Variants in EVL observed in about 807,000 individuals in gnomAD.
The protein encoded by EVL is ena/VASP-like protein.
In EVL, 21 loss-of-function variants were observed where a neutral mutation model predicts 59.6. The observed-to-expected ratio is 0.35, with a 90% confidence interval of 0.25 to 0.51. The LOEUF (loss-of-function observed/expected upper bound fraction) is 0.51. Among genes scored for constraint, EVL ranks in the 20% least tolerant of loss-of-function variants. EVL has a pLI of 0.97. For synonymous variants in EVL, 198 were observed against 203.5 expected, an observed-to-expected ratio of 0.97 and a Z score of 0.23; for missense variants, 462 against 546.6, an observed-to-expected ratio of 0.85 and a Z score of 1.54.
At chr14:100,122,946 G>A (rs1887793399) in intron 3 of EVL, among the ~76,000 whole-genome samples, 1 of 152,170 alleles carries the variant, frequency 6.6e-6, no homozygotes, top group Admixed American at 6.5e-5. Context: ...GCAGGGTCTG[G>A]CTCCTTCCCA....
At chr14:100,136,598 G>A (rs1386848175) in intron 9 of EVL, among the ~76,000 whole-genome samples, 1 of 152,130 alleles carries the variant, frequency 6.6e-6, no homozygotes, top group Non-Finnish European at 1.5e-5. Context: ...AGGAGAGACA[G>A]GGGCATCAGG....
In EVL at chr14:100,109,983, G is replaced by T. The variant is rs1886854905; in HGVS notation, c.358+12325G>T. On this transcript the variant is annotated intron_variant, in intron 3 of 13. Coordinates refer to ENST00000392920, the MANE Select transcript of EVL (RefSeq NM_016337.3). The surrounding 1 kb of genome is among the most constrained non-coding windows in gnomAD (Gnocchi z 4.3). Reference sequence around the variant, plus strand: ...ATCAGACTCACCTCACAGGGTTGTTGTGAGGGTACCATGAGATGATGTTTG... The same window carrying T: ...ATCAGACTCACCTCACAGGGTTGTTTTGAGGGTACCATGAGATGATGTTTG... Among the ~76,000 whole-genome samples, 1 of 152,242 alleles carries T rather than the reference G, an allele frequency of 6.6e-6. No individual in the cohort carries two copies. Among genetic ancestry groups the T allele is most frequent in the East Asian group, 1.9e-4 (1 of 5,200 alleles).
At chr14:100,095,736 G>A (rs182124562) in intron 2 of EVL, among the ~76,000 whole-genome samples, 2 of 152,162 alleles carry the variant, frequency 1.3e-5, no homozygotes, top group Non-Finnish European at 2.9e-5. Context: ...TGTTGTTGTT[G>A]TTGTTGTTTG....
chr14:100,061,839 A>G (rs2061840149), upstream of EVL, among the ~76,000 whole-genome samples: 1 of 152,170 alleles, frequency 6.6e-6, no homozygotes, highest in Non-Finnish European at 1.5e-5. Flanking sequence ...TAGTTTCACT[A>G]GTCATTAATT....
At chr14:100,101,901 C>G (rs1886246155) in intron 3 of EVL, among the ~76,000 whole-genome samples, 2 of 152,290 alleles carry the variant, frequency 1.3e-5, no homozygotes, top group South Asian at 4.1e-4. Context: ...TGCAGTGGCA[C>G]TATCTCGGCT....
At chr14:99,993,150 C>G (rs2060886819) in intron 1 of EVL, among the ~76,000 whole-genome samples, 1 of 151,248 alleles carries the variant, frequency 6.6e-6, no homozygotes, top group Non-Finnish European at 1.5e-5. Flanking sequence ...CTCTGCCTGC[C>G]AGGTTCAAGT....
intron 3 of EVL, among the ~76,000 whole-genome samples, chr14:100,119,936 G>A (rs1887590376): frequency 6.6e-6 from 1 of 152,182 alleles, no homozygotes; most frequent in African/African-American, 2.4e-5. Context: ...TACATTCACT[G>A]TACAAAGGAG....
intron 1 of EVL, among the ~76,000 whole-genome samples, chr14:99,987,905 ATT>A (rs774580760): frequency 0.045 from 4,681 of 103,406 alleles, 68 homozygotes; most frequent in East Asian, 0.12. Flanking sequence ...AGACAACCCA[ATT>A]TTTTTTTTTT....
intron 1 of EVL, among the ~76,000 whole-genome samples, chr14:100,029,178 G>A (rs1055016733): frequency 6.6e-6 from 1 of 152,194 alleles, no homozygotes; most frequent in African/African-American, 2.4e-5. Flanking sequence ...AGTTGCTTAT[G>A]CTAATAACAA....
chr14:100,088,548 C>T (rs2062496247), intron 2 of EVL, among the ~76,000 whole-genome samples: 1 of 152,186 alleles, frequency 6.6e-6, no homozygotes, highest in South Asian at 2.1e-4. Flanking sequence ...GTTACTGTAC[C>T]GAATACTGCA....
rs1339804621 is a variant in EVL, at chr14:100,135,918, C to A, written c.914C>A (p.Thr305Asn). Reference sequence around the variant, plus strand: ...TCTCCATTTTAGGAAGATCCTAGTACCTCCCCCTCTCCGGGGACCCGAGCA... The same window carrying A: ...TCTCCATTTTAGGAAGATCCTAGTAACTCCCCCTCTCCGGGGACCCGAGCA... ...EDESQMEDPSTSPSPGTRAAS... is the reference protein window; with the variant it reads ...EDESQMEDPSNSPSPGTRAAS... Residue 305 changes from threonine to asparagine, a missense_variant, in exon 9 of 14, where the codon ACC (threonine) becomes AAC (asparagine). By Grantham distance (65) the Thr-to-Asn change is moderately conservative. Coordinates refer to ENST00000392920, the MANE Select transcript of EVL (RefSeq NM_016337.3). 1 of 1,613,996 alleles carries A rather than the reference C, an allele frequency of 6.2e-7. No individual in the cohort carries two copies. Among genetic ancestry groups the A allele is most frequent in the Non-Finnish European group, 8.5e-7 (1 of 1,180,016 alleles).
intron 3 of EVL, among the ~76,000 whole-genome samples, chr14:100,112,684 C>T (rs922865399): frequency 1.3e-5 from 2 of 152,232 alleles, no homozygotes; most frequent in African/African-American, 4.8e-5. Flanking sequence ...CTCAGGGCTC[C>T]TTCCCTCACT....
chr14:100,037,240 G>A (rs577262257), intron 1 of EVL, among the ~76,000 whole-genome samples: 2 of 152,324 alleles, frequency 1.3e-5, no homozygotes, highest in African/African-American at 2.4e-5. Flanking sequence ...TGAAGAGCCT[G>A]GAATAAAAGG....
At chr14:100,131,948 A>G (rs1888462447) in intron 7 of EVL, among the ~76,000 whole-genome samples, 1 of 152,172 alleles carries the variant, frequency 6.6e-6, no homozygotes, top group Non-Finnish European at 1.5e-5. Context: ...CAGACAGGTG[A>G]CAGCCTGGCC....
intron 8 of EVL, among the ~76,000 whole-genome samples, chr14:100,133,556 G>A (rs1888576706): frequency 6.6e-6 from 1 of 152,134 alleles, no homozygotes; most frequent in Non-Finnish European, 1.5e-5. Flanking sequence ...ACGCCTCTCA[G>A]CCCCGTCCTG....
chr14:100,087,077 T>A (rs1200413935), intron 2 of EVL, among the ~76,000 whole-genome samples: 2 of 152,214 alleles, frequency 1.3e-5, no homozygotes, highest in Non-Finnish European at 2.9e-5. Context: ...AGGGATATCT[T>A]ACATGTTTAA....
chr14:100,060,430 C>CAAA (rs58767352), upstream of EVL, among the ~76,000 whole-genome samples: 7 of 63,624 alleles, frequency 1.1e-4, no homozygotes, highest in Admixed American at 1.7e-4. Context: ...GACTCCGTCT[C>CAAA]AAAAAAAAAA....
chr14:100,084,893 C>T (rs766582156), intron 2 of EVL, 38 bp downstream of exon 2: 21 of 1,604,556 alleles, frequency 1.3e-5, no homozygotes, highest in Admixed American at 3.3e-5. Context: ...CGTGAGCCTG[C>T]GCACCACCTC....
rs1566983234 is a variant in EVL at position 100,047,112 on chromosome 14, C to CTTTTTTTTTTTTTTT, written c.6-37574_6-37573insTTTTTTTTTTTTTTT. 3.5e-4 allele frequency among the ~76,000 whole-genome samples: 4 copies of CTTTTTTTTTTTTTTT among 11,404 alleles called. 1 individual carries two copies. Among genetic ancestry groups the CTTTTTTTTTTTTTTT allele is most frequent in the South Asian group, 6.2e-3 (2 of 324 alleles). The allele number at this position is 11,404 out of a possible 152,430, so 7.5% of individuals were successfully genotyped here. A position where few individuals can be genotyped will look rare whatever the true frequency, so the allele number is the denominator to read the frequency against. ...ATATTTTGAGACCTTGGGCAGATCT[C>CTTTTTTTTTTTTTTT]TCTCTCTTTTTTTTTTTTTTTTTTT... On this transcript the variant is annotated intron_variant, in intron 1 of 13. Coordinates refer to the EVL transcript ENST00000402714.
Sources: allele counts gnomAD v4.1 joint callset (sites outside exome capture counted in the v4.1 genomes callset), GRCh38; gene constraint gnomAD v4.1.1; non-coding constraint Gnocchi (gnomAD v3.1); transcripts MANE v1.5; gene names NCBI Gene and HGNC (gene_info 2026-07-23, HGNC 2026-07-21).